The following FBP2 variants were observed in gnomAD, a reference collection of about 807,000 sequenced individuals.
FBP2 encodes the protein fructose-1,6-bisphosphatase isozyme 2.
In FBP2, 27 loss-of-function variants were observed where a neutral mutation model predicts 31.6. The ratio of observed to expected loss-of-function variants is 0.85; its 90% confidence interval spans 0.63 to 1.18. The LOEUF (loss-of-function observed/expected upper bound fraction) is 1.18, where lower values mean the gene tolerates loss of function less well. Among genes scored for constraint, FBP2 ranks in the 50% most tolerant of loss-of-function variants. The probability of loss-of-function intolerance (pLI) is 0.00; values close to 1 mark genes in which losing one functional copy is unlikely to be tolerated. For missense variants in FBP2, 421 were observed against 436.1 expected, an observed-to-expected ratio of 0.97 and a Z score of 0.31; for synonymous variants, 168 against 179.8, an observed-to-expected ratio of 0.93 and a Z score of 0.53.
intron 1 of FBP2, among the ~76,000 whole-genome samples, chr9:94,591,258 A>G (rs1827497946): frequency 1.3e-5 from 2 of 152,222 alleles, no homozygotes; most frequent in Admixed American, 6.5e-5. Flanking sequence ...AGGCTCAGGC[A>G]TGGCGGGCTG....
intron 3 of FBP2, chr9:94,577,552 C>T (rs1004816783): frequency 3.9e-5 from 6 of 152,016 alleles, no homozygotes; most frequent in African/African-American, 1.2e-4. Flanking sequence ...AAACTGCTGG[C>T]GCGAGACAAG....
intron 3 of FBP2, among the ~76,000 whole-genome samples, chr9:94,580,445 G>A (rs972837872): frequency 2.3e-4 from 35 of 152,254 alleles, no homozygotes; most frequent in African/African-American, 7.7e-4. Flanking sequence ...TTGAACTCCT[G>A]GCCTCAAGTG....
chr9:94,565,356 A>G (rs150143551), intron 5 of FBP2, among the ~76,000 whole-genome samples: 5 of 129,094 alleles, frequency 3.9e-5, no homozygotes, highest in African/African-American at 1.6e-4. Context: ...GAGACAGAGC[A>G]AGACTCCACC....
chr9:94,583,535 C>T (rs1319413094), intron 3 of FBP2, among the ~76,000 whole-genome samples: 1 of 152,214 alleles, frequency 6.6e-6, no homozygotes, highest in Non-Finnish European at 1.5e-5. Flanking sequence ...GTTTAATCAA[C>T]TTCCTAATAC....
chr9:94,559,483 T>G (rs2993965), intron 6 of FBP2, among the ~76,000 whole-genome samples: 147,615 of 152,154 alleles, frequency 0.97, 71,614 homozygotes, highest in East Asian at 1. Context: ...CTGCAGGCCT[T>G]GGTGGAAGCC....
At chr9:94,573,178 C>T (rs1057088126) in intron 3 of FBP2, 1 of 152,196 alleles carries the variant, frequency 6.6e-6, no homozygotes, top group Non-Finnish European at 1.5e-5. Flanking sequence ...AGCATTCAGT[C>T]TTTCACCATT....
chr9:94,559,188 C>G, intron 6 of FBP2, 56 bp from the exon 7 acceptor site: 5 of 1,506,042 alleles, frequency 3.3e-6, no homozygotes, highest in Non-Finnish European at 4.6e-6. Context: ...ATGTCCCGAG[C>G]CATGCCCCTA....
intron 6 of FBP2, among the ~76,000 whole-genome samples, chr9:94,562,776 A>C (rs978742173): frequency 6.6e-6 from 1 of 152,144 alleles, no homozygotes; most frequent in Non-Finnish European, 1.5e-5. Context: ...TAAGTTTTGC[A>C]TCATTAAGTT....
chr9:94,593,244 T>C (rs1827520915), intron 1 of FBP2, among the ~76,000 whole-genome samples: 1 of 152,216 alleles, frequency 6.6e-6, no homozygotes, highest in Non-Finnish European at 1.5e-5. Flanking sequence ...AGTGAGACTC[T>C]CTCTGTGCAA....
intron 6 of FBP2, among the ~76,000 whole-genome samples, chr9:94,560,307 G>A (rs946008675): frequency 6.6e-6 from 1 of 152,226 alleles, no homozygotes; most frequent in African/African-American, 2.4e-5. Flanking sequence ...AGAACTGGCA[G>A]GAGGCTGCCT....
chr9:94,563,534 G>A, intron 5 of FBP2, 73 bp from the exon 6 acceptor site: 1 of 1,551,810 alleles, frequency 6.4e-7, no homozygotes, highest in Non-Finnish European at 8.8e-7. Flanking sequence ...GTGGTCACAA[G>A]TCCAGTTGGT....
At chr9:94,572,789 C>T (rs1587841657) in intron 3 of FBP2, among the ~76,000 whole-genome samples, 1 of 152,176 alleles carries the variant, frequency 6.6e-6, no homozygotes, top group African/African-American at 2.4e-5. Flanking sequence ...ATCCTATACA[C>T]ATTTTTTGGA....
At chr9:94,576,487 A>G (rs1827315941) in intron 3 of FBP2, 1 of 152,170 alleles carries the variant, frequency 6.6e-6, no homozygotes, top group Non-Finnish European at 1.5e-5. Context: ...TCTGGTTTCT[A>G]TTGGACAGGG....
At chr9:94,587,222 G>A (rs1827436667) in intron 2 of FBP2, 85 bp downstream of exon 2, 9 of 1,182,010 alleles carry the variant, frequency 7.6e-6, no homozygotes, top group Non-Finnish European at 1.1e-5. Context: ...GGAGAATCCC[G>A]GGAATTAAAG....
In FBP2 at chr9:94,575,049, T is replaced by C. The variant is rs1827303050; in HGVS notation, c.427-3447A>G. ...TAATGAAAATTGCAAGAGCTCCATG[T>C]ATTTGGTGGTAGAAATTATGAAATG... On this transcript the variant is annotated intron_variant, in intron 3 of 6. Transcript: ENST00000375337. 2.6e-5 allele frequency among the ~76,000 whole-genome samples: 4 copies of C among 152,330 alleles called. No individual in the cohort carries two copies. The South Asian group carries it at 8.3e-4, about 32-fold the overall frequency.
Position 94,587,467 on chromosome 9 carries a change from T to A in FBP2, c.173A>T (p.Tyr58Phe). The A allele has an allele frequency of 1.2e-6, 2 of 1,613,978 alleles. No individual in the cohort carries two copies. Among genetic ancestry groups the A allele is most frequent in the Non-Finnish European group, 1.7e-6 (2 of 1,179,956 alleles). Residue 58 changes from tyrosine (Y) to phenylalanine (F), a missense_variant and splice_region_variant, in exon 2 of 7, where the codon TAT (tyrosine) becomes TTT (phenylalanine). By Grantham distance (22) the Tyr-to-Phe change is conservative (BLOSUM62 3). Transcript: ENST00000375337. ...AVRKAGLAHL[Y>F]GIAGSVNVTG... ...CACGTTAACGCTTCCTGCGATTCCA[T>A]ACCTGAGAAGACAAAAGGCTGAATG... is the stretch of plus-strand genomic sequence containing the variant.
intron 5 of FBP2, among the ~76,000 whole-genome samples, chr9:94,566,397 G>A (rs1827190522): frequency 6.6e-6 from 1 of 152,402 alleles, no homozygotes. Context: ...AATAGCACGA[G>A]TGATCTGTGC....
intron 2 of FBP2, among the ~76,000 whole-genome samples, chr9:94,585,782 C>T (rs142247583): frequency 0.014 from 2,097 of 151,910 alleles, 53 homozygotes; most frequent in African/African-American, 0.048. Context: ...ACCACCATGC[C>T]GAGCTAAATT....
At chr9:94,561,068 C>T (rs1455018654) in intron 6 of FBP2, among the ~76,000 whole-genome samples, 1 of 152,034 alleles carries the variant, frequency 6.6e-6, no homozygotes, top group African/African-American at 2.4e-5. Flanking sequence ...ACAGTCTAGC[C>T]AAGGAGACTC....
Sources: gnomAD v4.1 joint callset for allele counts (sites outside exome capture counted in the v4.1 genomes callset) on GRCh38, gnomAD v4.1.1 for gene constraint, MANE v1.5 for transcripts, NCBI Gene and HGNC (gene_info 2026-07-23, HGNC 2026-07-21) for gene names.